Variants in INTS6L observed in about 807,000 individuals in gnomAD.
INTS6L encodes the protein integrator complex subunit 6-like.
In INTS6L, 18 loss-of-function variants were observed where a neutral mutation model predicts 64.7. That is an observed-to-expected ratio of 0.28 (90% confidence interval 0.19 to 0.41). The LOEUF (loss-of-function observed/expected upper bound fraction) is 0.41, where lower values mean the gene tolerates loss of function less well. Among genes scored for constraint, INTS6L ranks in the 10% least tolerant of loss-of-function variants. INTS6L has a pLI of 1.00. For synonymous variants in INTS6L, 227 were observed against 235.9 expected (o/e 0.96, Z 0.34); for missense variants, 533 against 661.0 (o/e 0.81, Z 2.12).
chrX:135,520,939 G>A lies in INTS6L; in HGVS notation c.-54G>A. On this transcript the variant is annotated 5_prime_UTR_variant, in exon 1 of 18. In the 5' UTR this introduces an upstream ATG that the reference lacks. Transcript: ENST00000639893. ...AGGGTTCAGGTGGCCGTACGCGGCA[G>A]TGAGGGCAAGAGGGCCGGGAGAGTG... The A allele has an allele frequency of 1.7e-6, 2 of 1,150,894 alleles. No individual in the cohort carries two copies. Among genetic ancestry groups the A allele is most frequent in the Non-Finnish European group, 2.4e-6 (2 of 846,542 alleles). The allele number at this position is 1,150,894 out of a possible 1,213,427, so 94.8% of individuals were successfully genotyped here.
chrX:135,528,865 C>A (rs2085815491), intron 2 of INTS6L, among the ~76,000 whole-genome samples: 1 of 24,253 alleles, frequency 4.1e-5, no homozygotes, highest in Non-Finnish European at 1.3e-4. Flanking sequence ...TTAAAATGAA[C>A]ACCCCCCCCC....
chrX:135,546,983 AG>A, intron 5 of INTS6L, 98 bp downstream of exon 5: 1 of 1,110,156 alleles, frequency 9.0e-7, no homozygotes, highest in Admixed American at 2.7e-5. Flanking sequence ...TTTCCTTCAA[AG>A]CCTTTTAACT....
At chrX:135,570,759 T>C in intron 11 of INTS6L, 1 of 400,895 alleles carries the variant, frequency 2.5e-6, no homozygotes. Flanking sequence ...CCATTTCTCC[T>C]TTTGCCTGCC....
intron 12 of INTS6L, 69 bp downstream of exon 12, chrX:135,573,102 T>C: frequency 1.1e-6 from 1 of 950,622 alleles, no homozygotes; most frequent in Non-Finnish European, 1.5e-6. Flanking sequence ...TTCATATTCC[T>C]TTAGTTTTGA....
chrX:135,554,971 A>G (rs1219583874), intron 8 of INTS6L, among the ~76,000 whole-genome samples: 1 of 90,370 alleles, frequency 1.1e-5, no homozygotes, highest in Non-Finnish European at 2.1e-5. Context: ...GCTCACTGCA[A>G]CCTCCACCTC....
At chrX:135,563,631 GTGTA>G (rs2086848974) in intron 9 of INTS6L, among the ~76,000 whole-genome samples, 1 of 8,080 alleles carries the variant, frequency 1.2e-4, no homozygotes, top group Admixed American at 8.8e-4. Flanking sequence ...GTGTGTGTGT[GTGTA>G]TATATATATA....
chrX:135,525,398 T>C (rs1224852234), intron 2 of INTS6L, among the ~76,000 whole-genome samples: 1 of 112,713 alleles, frequency 8.9e-6, no homozygotes, highest in Non-Finnish European at 1.9e-5. Context: ...TTGAAACACA[T>C]GTATAAAATA....
intron 2 of INTS6L, among the ~76,000 whole-genome samples, chrX:135,534,642 CTT>C (rs782685749): frequency 9.4e-6 from 1 of 106,210 alleles, no homozygotes; most frequent in Non-Finnish European, 1.9e-5. Context: ...GGGGAAGTAA[CTT>C]TTATAAAACT....
intron 7 of INTS6L, 81 bp from the exon 8 acceptor site, chrX:135,551,913 C>T (rs2086513563): frequency 6.7e-6 from 6 of 896,535 alleles, no homozygotes; most frequent in Non-Finnish European, 8.7e-6. Flanking sequence ...AAATATAAAA[C>T]GACTTGCAGA....
rs143933342 is a variant in INTS6L, at chrX:135,529,694, T to C, written c.189+8376T>C. Among the ~76,000 whole-genome samples, 614 of 112,146 alleles carry C rather than the reference T, an allele frequency of 5.5e-3. 3 individuals are homozygous for C. Among genetic ancestry groups the C allele is most frequent in the African/African-American group, 0.018 (547 of 30,886 alleles). ...TCCCATCTTATAGTCGAAGGTGTTA[T>C]CTAGCTTGTATAACTATCCCTGTAT... is the stretch of plus-strand genomic sequence containing the variant. On this transcript the variant is annotated intron_variant, in intron 2 of 17. Transcript: ENST00000639893.
chrX:135,565,774 A>C lies in INTS6L; in HGVS notation c.1193-3563A>C, dbSNP rs113210983. ...GTGGCATCACCATGTCTATGCAAAC[A>C]TCCCACACCAGAAACTCTGGAGGCA... On this transcript the variant is annotated intron_variant, in intron 9 of 17. Coordinates refer to ENST00000639893, the MANE Select transcript of INTS6L (RefSeq NM_001351601.3). Among the ~76,000 whole-genome samples, 341 of 111,717 alleles carry C rather than the reference A, an allele frequency of 3.1e-3. 2 individuals carry two copies. Among genetic ancestry groups the C allele is most frequent in the African/African-American group, 0.011 (329 of 30,759 alleles).
chrX:135,564,306 A>G (rs1407493318), intron 9 of INTS6L, among the ~76,000 whole-genome samples: 1 of 109,315 alleles, frequency 9.1e-6, no homozygotes, highest in Non-Finnish European at 1.9e-5. Flanking sequence ...GTTTCTTTGC[A>G]TGTGTTTTCA....
At chrX:135,537,772 A>G (rs1430409085) in intron 2 of INTS6L, among the ~76,000 whole-genome samples, 3 of 112,647 alleles carry the variant, frequency 2.7e-5, no homozygotes, top group Non-Finnish European at 5.6e-5. Flanking sequence ...CCATGAAGAT[A>G]GTGCAGGTTC....
chrX:135,546,943 C>T, intron 5 of INTS6L, 58 bp downstream of exon 5: 1 of 1,148,333 alleles, frequency 8.7e-7, no homozygotes, highest in African/African-American at 1.8e-5. Flanking sequence ...GTATATTTTT[C>T]ATTAAATGCC....
intron 9 of INTS6L, among the ~76,000 whole-genome samples, chrX:135,565,722 C>T (rs1188843026): frequency 1.8e-5 from 2 of 111,708 alleles, no homozygotes; most frequent in African/African-American, 6.5e-5. Flanking sequence ...TTACCATGCT[C>T]TTCCTCCTCT....
At chrX:135,559,132 T>C (rs2086718025) in intron 9 of INTS6L, among the ~76,000 whole-genome samples, 2 of 111,851 alleles carry the variant, frequency 1.8e-5, no homozygotes. Flanking sequence ...CACAGAAATA[T>C]CCTATGTACT....
chrX:135,527,281 C>T (rs944015251), intron 2 of INTS6L, among the ~76,000 whole-genome samples: 34 of 112,150 alleles, frequency 3.0e-4, no homozygotes, highest in African/African-American at 1.1e-3. Flanking sequence ...GTTGACACTA[C>T]GGCAGTCTCG....
chrX:135,561,693 CAATTT>C (rs1442851486), intron 9 of INTS6L, among the ~76,000 whole-genome samples: 1 of 112,216 alleles, frequency 8.9e-6, no homozygotes, highest in African/African-American at 3.2e-5. Context: ...ATTATTAATT[CAATTT>C]CTTTCATAGT....
At chrX:135,560,615 G>A (rs1293524210) in intron 9 of INTS6L, among the ~76,000 whole-genome samples, 2 of 112,025 alleles carry the variant, frequency 1.8e-5, no homozygotes, top group Non-Finnish European at 3.8e-5. Context: ...AGCCAAGGCG[G>A]GTGGATCACC....
Sources: allele counts gnomAD v4.1 joint callset (sites outside exome capture counted in the v4.1 genomes callset), GRCh38; gene constraint gnomAD v4.1.1; transcripts MANE v1.5; gene names NCBI Gene and HGNC (gene_info 2026-07-23, HGNC 2026-07-21).